EIF2D: variants seen among roughly 807,000 people sequenced by gnomAD.
The protein encoded by EIF2D is eukaryotic translation initiation factor 2D.
In EIF2D, 56 loss-of-function variants were observed where a neutral mutation model predicts 77.4. The observed-to-expected ratio is 0.72, with a 90% CI of 0.58 to 0.90. The LOEUF is 0.90. Among genes scored for constraint, EIF2D ranks in the 40% least tolerant of loss-of-function variants. EIF2D has a pLI of 0.00. For missense variants in EIF2D, 574 were observed against 706.5 expected, an observed-to-expected ratio of 0.81 and a Z score of 2.13; for synonymous variants, 230 against 271.0, an observed-to-expected ratio of 0.85 and a Z score of 1.49.
chr1:206,598,716 G>A (rs1421539784), intron 11 of EIF2D, among the ~76,000 whole-genome samples: 2 of 152,164 alleles, frequency 1.3e-5, no homozygotes, highest in Non-Finnish European at 2.9e-5. Flanking sequence ...TAAATTCTTT[G>A]TAAGCTTGCA....
intron 5 of EIF2D, 79 bp from the exon 6 acceptor site, chr1:206,603,283 A>G (rs886186221): frequency 3.9e-6 from 6 of 1,554,462 alleles, no homozygotes; most frequent in Non-Finnish European, 3.5e-6. Context: ...GTCAGCAGTG[A>G]GGTCAGAGAC....
chr1:206,570,485 T>C (rs1427384373), downstream of EIF2D, among the ~76,000 whole-genome samples: 1 of 152,122 alleles, frequency 6.6e-6, no homozygotes, highest in African/African-American at 2.4e-5. Context: ...TTCCAGAACT[T>C]TTGTTTTCCC....
At chr1:206,593,853 G>T in intron 13 of EIF2D, 60 bp from the exon 14 acceptor site, 1 of 1,506,904 alleles carries the variant, frequency 6.6e-7, no homozygotes, top group Non-Finnish European at 9.0e-7. Flanking sequence ...CCCTCCAGAG[G>T]GCCTTCCAGA....
chr1:206,569,457 A>G (rs1668380742), downstream of EIF2D, among the ~76,000 whole-genome samples: 1 of 152,160 alleles, frequency 6.6e-6, no homozygotes, highest in East Asian at 1.9e-4. Flanking sequence ...ATCTTTAAAG[A>G]TGTCAGACTC....
rs188100522 is a variant in EIF2D at position 206,591,751 on chromosome 1, C to T, written c.*24G>A. ...CCAGAGCTTGGATTTCCACCGGATC[C>T]ACCACGTGAGACAAAAGAGTCTGTC... is the stretch of plus-strand genomic sequence containing the variant. On this transcript the variant is annotated 3_prime_UTR_variant, in exon 15 of 15. Coordinates refer to ENST00000271764, the MANE Select transcript of EIF2D (RefSeq NM_006893.3). 7.3e-5 allele frequency: 117 copies of T among 1,611,226 alleles called. No individual in the cohort carries two copies. In the African/African-American group the frequency reaches 1.1e-3, roughly 15 times the overall value.
chr1:206,611,035 G>T, intron 2 of EIF2D, 149 bp downstream of exon 2: 1 of 693,460 alleles, frequency 1.4e-6, no homozygotes, highest in Non-Finnish European at 2.3e-6. Flanking sequence ...CCAATTCTAG[G>T]AACACCAGGT....
chr1:206,607,617 C>G (rs1670260578), intron 4 of EIF2D, among the ~76,000 whole-genome samples: 1 of 151,464 alleles, frequency 6.6e-6, no homozygotes, highest in Non-Finnish European at 1.5e-5. Flanking sequence ...CTCAATAAAG[C>G]TATCAAAAAT....
intron 2 of EIF2D, chr1:206,585,250 G>A (rs782057493): frequency 2.5e-6 from 4 of 1,614,192 alleles, no homozygotes; most frequent in East Asian, 4.5e-5. Context: ...CTGACACGGA[G>A]GTCCTCAGCT....
At chr1:206,600,343 G>T in intron 7 of EIF2D, 35 bp from the exon 8 acceptor site, 1 of 1,602,660 alleles carries the variant, frequency 6.2e-7, no homozygotes, top group South Asian at 1.1e-5. Context: ...TTAAACTAAT[G>T]AGCAGTCATA....
intron 4 of EIF2D, among the ~76,000 whole-genome samples, chr1:206,606,520 C>G (rs1670208976): frequency 2.6e-5 from 4 of 152,224 alleles, no homozygotes; most frequent in African/African-American, 9.6e-5. Flanking sequence ...GCCAAATATC[C>G]ATTTACATAG....
intron 4 of EIF2D, among the ~76,000 whole-genome samples, chr1:206,574,218 A>G (rs1364304990): frequency 1.3e-5 from 2 of 152,192 alleles, no homozygotes; most frequent in Non-Finnish European, 2.9e-5. Flanking sequence ...CATGCTGGCA[A>G]CCTGAGGAGT....
At chr1:206,608,072 T>TC (rs2102304102) in intron 4 of EIF2D, among the ~76,000 whole-genome samples, 164 bp downstream of exon 4, 1 of 152,312 alleles carries the variant, frequency 6.6e-6, no homozygotes, top group Non-Finnish European at 1.5e-5. Context: ...GCACATGGAT[T>TC]CCCCATAGGT....
intron 4 of EIF2D, among the ~76,000 whole-genome samples, chr1:206,575,876 C>G (rs1170671862): frequency 3.9e-5 from 6 of 152,224 alleles, no homozygotes; most frequent in Admixed American, 2.6e-4. Context: ...AAGTCCAAAG[C>G]CTGGTGTGTG....
At chr1:206,593,541 G>T (rs1474033697) in intron 14 of EIF2D, 78 bp downstream of exon 14, 4 of 1,098,818 alleles carry the variant, frequency 3.6e-6, no homozygotes, top group Non-Finnish European at 5.4e-6. Flanking sequence ...GTGTGTGTGT[G>T]TATTATGCAA....
chr1:206,611,396 T>G (rs782679900), intron 1 of EIF2D, 22 bp from the exon 2 acceptor site: 1 of 1,599,310 alleles, frequency 6.3e-7, no homozygotes, highest in Non-Finnish European at 8.6e-7. Flanking sequence ...ACACCAGCAC[T>G]GTGAATGCTG....
intron 13 of EIF2D, 180 bp downstream of exon 13, chr1:206,595,538 G>A (rs1553409840): frequency 1.1e-5 from 6 of 556,314 alleles, no homozygotes; most frequent in East Asian, 6.5e-5. Context: ...GTGAGTGAGC[G>A]GGGTCAGCTT....
downstream of EIF2D, among the ~76,000 whole-genome samples, chr1:206,570,447 T>C (rs1203158687): frequency 3.3e-5 from 5 of 152,150 alleles, no homozygotes; most frequent in Non-Finnish European, 5.9e-5. Flanking sequence ...TAACCTCACA[T>C]TGTTGTACAA....
downstream of EIF2D, among the ~76,000 whole-genome samples, chr1:206,590,503 A>G (rs1437531379): frequency 3.9e-5 from 6 of 152,246 alleles, no homozygotes; most frequent in African/African-American, 1.4e-4. Context: ...CCCTCAGATC[A>G]GACTCTGGCA....
chr1:206,573,247 T>G (rs1398510147), intron 4 of EIF2D, among the ~76,000 whole-genome samples: 12 of 151,974 alleles, frequency 7.9e-5, no homozygotes, highest in Admixed American at 7.2e-4. Flanking sequence ...GACTGCTTGA[T>G]TTTTTACCTT....
Sources: allele counts gnomAD v4.1 joint callset (sites outside exome capture counted in the v4.1 genomes callset), GRCh38; gene constraint gnomAD v4.1.1; transcripts MANE v1.5; gene names NCBI Gene and HGNC (gene_info 2026-07-23, HGNC 2026-07-21).